AKAP7: variants seen among roughly 807,000 people sequenced by gnomAD.
AKAP7 encodes A kinase (PRKA) anchor protein 7.
Under a neutral mutation model 39.5 loss-of-function variants are expected in AKAP7, and 39 were observed. The ratio of observed to expected loss-of-function variants is 0.99; its 90% CI spans 0.76 to 1.29. AKAP7 has a LOEUF of 1.29. Ranked by LOEUF, AKAP7 falls within the 50% of genes most tolerant of loss-of-function variation. The pLI, the probability that AKAP7 is intolerant of heterozygous loss-of-function variation, is 0.00. For missense variants in AKAP7, 414 were observed against 407.7 expected, an observed-to-expected ratio of 1.02 and a Z score of -0.13; for synonymous variants, 140 against 139.1, an observed-to-expected ratio of 1.01 and a Z score of -0.05.
chr6:131,174,783 G>A (rs1804417193), intron 5 of AKAP7, among the ~76,000 whole-genome samples: 1 of 152,138 alleles, frequency 6.6e-6, no homozygotes, highest in Non-Finnish European at 1.5e-5. Context: ...TGCCTACACA[G>A]GAATATTAAA....
At chr6:131,155,218 TG>T (rs1802316919) in intron 2 of AKAP7, among the ~76,000 whole-genome samples, 1 of 152,198 alleles carries the variant, frequency 6.6e-6, no homozygotes, top group African/African-American at 2.4e-5. Flanking sequence ...CTTGCTGTGT[TG>T]CCCAGCCTGG....
chr6:131,233,126 T>C (rs924428781), intron 7 of AKAP7, among the ~76,000 whole-genome samples: 4 of 150,626 alleles, frequency 2.7e-5, no homozygotes, highest in South Asian at 2.1e-4. Context: ...CAAATCTGTA[T>C]AATATAGTGT....
At position 131,283,125 on chromosome 6, in the gene AKAP7, A is replaced by C. The variant is rs946832127; in HGVS notation, c.*1399A>C. 6.5e-6 allele frequency: 1 copy of C among 152,848 alleles called. No homozygotes were observed. Among genetic ancestry groups the C allele is most frequent in the African/African-American group, 2.4e-5 (1 of 41,462 alleles). 9.5% of individuals were successfully genotyped at this position (152,848 alleles called of 1,614,324 possible). The stretch of plus-strand genomic sequence containing the variant: ...TGCGATCACTGGTTAAGAATGTTTT[A>C]TATATCCTTATAATATTTTTCACTG... On this transcript the variant is annotated 3_prime_UTR_variant, in exon 8 of 8. Coordinates refer to ENST00000431975, the MANE Select transcript of AKAP7 (RefSeq NM_016377.4).
chr6:131,127,599 C>T, the AKAP7 span, among the ~76,000 whole-genome samples: 11 of 152,240 alleles, frequency 7.2e-5, no homozygotes, highest in East Asian at 1.9e-3. Context: ...TTTTCAAATT[C>T]TGCACATTAT....
At position 131,256,612 on chromosome 6, in the gene AKAP7, C is replaced by T. The variant is rs558447701; in HGVS notation, c.851-24918C>T. On this transcript the variant is annotated intron_variant, in intron 7 of 7. Transcript: ENST00000431975. ...GATGTGGTCTGTCCTGTGTCATCTT[C>T]CTGGGGGGCCATGAAAGAAGCAGCA... is the stretch of plus-strand genomic sequence containing the variant. Among the ~76,000 whole-genome samples the T allele has an allele frequency of 1.4e-4, 21 of 151,614 alleles. No homozygotes were observed. In the East Asian group the frequency reaches 3.9e-3, roughly 28 times the overall value.
intron 2 of AKAP7, among the ~76,000 whole-genome samples, chr6:131,154,162 C>A (rs184150738): frequency 2.6e-5 from 4 of 152,094 alleles, no homozygotes; most frequent in South Asian, 2.1e-4. Context: ...GAGCAGAGAT[C>A]GCTCCATTGC....
chr6:131,256,047 G>C (rs551667868), intron 7 of AKAP7, among the ~76,000 whole-genome samples: 1 of 152,184 alleles, frequency 6.6e-6, no homozygotes, highest in African/African-American at 2.4e-5. Context: ...GAAGTGTGGG[G>C]GATTTCTCAG....
At chr6:131,205,636 A>G (rs1808025191) in intron 6 of AKAP7, among the ~76,000 whole-genome samples, 1 of 152,206 alleles carries the variant, frequency 6.6e-6, no homozygotes, top group Non-Finnish European at 1.5e-5. Context: ...TTCCCAAGTT[A>G]GAGAGCTGAG....
chr6:131,268,097 G>T (rs6923644), intron 7 of AKAP7, among the ~76,000 whole-genome samples: 17,715 of 152,110 alleles, frequency 0.12, 1,194 homozygotes, highest in Admixed American at 0.19. Flanking sequence ...CATTAATCAG[G>T]ACCATTATTT....
chr6:131,128,146 A>G, the AKAP7 span, among the ~76,000 whole-genome samples: 1 of 152,214 alleles, frequency 6.6e-6, no homozygotes, highest in African/African-American at 2.4e-5. Context: ...AAACCTGCAC[A>G]TGTACCCCTG....
chr6:131,210,479 A>G (rs1808543998), intron 6 of AKAP7, among the ~76,000 whole-genome samples: 1 of 152,204 alleles, frequency 6.6e-6, no homozygotes, highest in Admixed American at 6.5e-5. Flanking sequence ...TCTAAACCCT[A>G]CTGATGGCAG....
chr6:131,189,659 A>G (rs539897241), intron 5 of AKAP7, among the ~76,000 whole-genome samples: 11 of 152,340 alleles, frequency 7.2e-5, no homozygotes, highest in African/African-American at 2.6e-4. Context: ...AGAAAAAAAT[A>G]TGTAAAGCCT....
At chr6:131,131,068 GT>G (rs1800317680), upstream of AKAP7, among the ~76,000 whole-genome samples, 2 of 152,196 alleles carry the variant, frequency 1.3e-5, no homozygotes, top group Non-Finnish European at 2.9e-5. Context: ...ATCCTGAAGG[GT>G]TGTGGGAGCT....
At chr6:131,136,951 T>C in intron 1 of AKAP7, 2 of 720,168 alleles carry the variant, frequency 2.8e-6, no homozygotes, top group Non-Finnish European at 1.7e-6. Context: ...TACTTATGTA[T>C]GTATGTATAT....
intron 2 of AKAP7, among the ~76,000 whole-genome samples, chr6:131,158,533 A>C (rs1441390043): frequency 1.3e-5 from 2 of 152,172 alleles, no homozygotes; most frequent in African/African-American, 4.8e-5. Context: ...TTTTGGAGAC[A>C]GTCTCACTCC....
chr6:131,178,036 G>C (rs139401764), intron 5 of AKAP7, among the ~76,000 whole-genome samples: 3 of 152,260 alleles, frequency 2.0e-5, no homozygotes, highest in African/African-American at 7.2e-5. Context: ...CTTATTGGTG[G>C]TTCATGTTAC....
chr6:131,234,350 A>T (rs987344320), intron 7 of AKAP7, among the ~76,000 whole-genome samples: 4 of 152,198 alleles, frequency 2.6e-5, no homozygotes, highest in Non-Finnish European at 5.9e-5. Context: ...TACAATTTAA[A>T]GTGGTAATGA....
In AKAP7 at chr6:131,282,602, T is replaced by G. The variant is rs865874075; in HGVS notation, c.*876T>G. ...CGTTGATTTCAGCACAACTTTGACA[T>G]AAGCTCTACATTGCGATTGTGACAA... On this transcript the variant is annotated 3_prime_UTR_variant, in exon 8 of 8. Coordinates refer to ENST00000431975, the MANE Select transcript of AKAP7 (RefSeq NM_016377.4). The G allele has an allele frequency of 4.2e-5, 64 of 1,533,058 alleles. No homozygotes were observed. In the Admixed American group the frequency reaches 1.1e-3, roughly 26 times the overall value. The allele number at this position is 1,533,058 out of a possible 1,614,324, so 95.0% of individuals were successfully genotyped here. A position where few individuals can be genotyped will look rare whatever the true frequency, so the allele number is the denominator to read the frequency against.
chr6:131,138,046 T>C (rs73633154), intron 1 of AKAP7, among the ~76,000 whole-genome samples: 23,746 of 152,200 alleles, frequency 0.16, 2,226 homozygotes, highest in African/African-American at 0.25. Context: ...TTCGTTTAAC[T>C]GTTTCCCTAT....
Sources: gnomAD v4.1 joint callset for allele counts (sites outside exome capture counted in the v4.1 genomes callset) on GRCh38, gnomAD v4.1.1 for gene constraint, MANE v1.5 for transcripts, NCBI Gene and HGNC (gene_info 2026-07-23, HGNC 2026-07-21) for gene names.